The following TBC1D32 variants were observed in gnomAD, a reference collection of about 807,000 sequenced individuals.
The protein encoded by TBC1D32 is TBC1 domain family member 32.
TBC1D32 carries 151 observed loss-of-function variants against 170.3 expected under a neutral mutation model. The observed-to-expected ratio is 0.89, with a 90% CI of 0.78 to 1.01. The LOEUF is 1.01. Ranked by LOEUF, TBC1D32 falls within the 50% of genes least tolerant of loss-of-function variation. The pLI is 0.00. For missense variants in TBC1D32, 1,464 were observed against 1,457.1 expected, an observed-to-expected ratio of 1.00 and a Z score of -0.08; for synonymous variants, 498 against 488.0, an observed-to-expected ratio of 1.02 and a Z score of -0.27.
intron 21 of TBC1D32, among the ~76,000 whole-genome samples, chr6:121,217,954 C>T (rs1583263909): frequency 6.6e-6 from 1 of 152,160 alleles, no homozygotes; most frequent in African/African-American, 2.4e-5. Flanking sequence ...GTACCATACA[C>T]TGAGAAAAAC....
Position 121,205,122 on chromosome 6 carries a change from CT to C in TBC1D32, c.2522del (p.Lys841ArgfsTer16). On this transcript the variant is annotated frameshift_variant, in exon 22 of 32. Coordinates refer to ENST00000398212, the MANE Select transcript of TBC1D32 (RefSeq NM_152730.6). LOFTEE classifies it high-confidence loss of function. ...DRLIILNSEA[K>X]IRSLFNYEQS... Reference sequence around the variant, plus strand: ...GTTCATAGTTGAATAAAGAACGAATCTTAGCTTCAGAATTCAAAATTATAAG... The same window carrying C: ...GTTCATAGTTGAATAAAGAACGAATCTAGCTTCAGAATTCAAAATTATAAG... 6.5e-7 allele frequency: 1 copy of C among 1,534,036 alleles called. No individual in the cohort carries two copies. The highest frequency in any genetic ancestry group is 8.8e-7 in the Non-Finnish European group (1 of 1,131,390).
chr6:121,180,888 A>G (rs940890413), intron 22 of TBC1D32, among the ~76,000 whole-genome samples: 1 of 152,158 alleles, frequency 6.6e-6, no homozygotes, highest in African/African-American at 2.4e-5. Context: ...TCAGTAACAA[A>G]TAATGATAAT....
chr6:121,160,838 T>C, intron 23 of TBC1D32, 110 bp downstream of exon 23: 1 of 780,420 alleles, frequency 1.3e-6, no homozygotes, highest in Non-Finnish European at 2.2e-6. Context: ...TAAGTTCAAC[T>C]CTGTGATGTA....
intron 9 of TBC1D32, among the ~76,000 whole-genome samples, chr6:121,300,170 A>T (rs758948780): frequency 6.6e-6 from 1 of 152,166 alleles, no homozygotes; most frequent in Non-Finnish European, 1.5e-5. Flanking sequence ...TTGGCCGGGC[A>T]CAGTGGCTCA....
At chr6:121,128,381 A>G (rs1479106052) in intron 25 of TBC1D32, among the ~76,000 whole-genome samples, 3 of 152,178 alleles carry the variant, frequency 2.0e-5, no homozygotes, top group Non-Finnish European at 4.4e-5. Context: ...GCTGAACTAC[A>G]TAATTACTAG....
At chr6:121,241,594 C>T (rs913578694) in intron 18 of TBC1D32, 42 bp from the exon 19 acceptor site, 72 of 1,496,920 alleles carry the variant, frequency 4.8e-5, no homozygotes, top group Non-Finnish European at 6.1e-5. Flanking sequence ...AGCAACAAAA[C>T]ATGGCATGCT....
At chr6:121,133,970 A>G (rs1337231583) in intron 24 of TBC1D32, among the ~76,000 whole-genome samples, 1 of 148,078 alleles carries the variant, frequency 6.8e-6, no homozygotes, top group African/African-American at 2.4e-5. Flanking sequence ...TAATAATTTT[A>G]CTGAAAATTA....
intron 21 of TBC1D32, among the ~76,000 whole-genome samples, chr6:121,207,375 A>C (rs560417048): frequency 6.6e-6 from 1 of 152,320 alleles, no homozygotes; most frequent in African/African-American, 2.4e-5. Flanking sequence ...TCTAGTTCTG[A>C]ATCTAAGTAC....
chr6:121,242,135 T>A (rs747735293), intron 18 of TBC1D32, 66 bp downstream of exon 18: 1 of 1,499,046 alleles, frequency 6.7e-7, no homozygotes, highest in East Asian at 2.3e-5. Context: ...GAAAACAGAA[T>A]GATGTTCTTA....
At chr6:121,109,548 T>C (rs936623841) in intron 29 of TBC1D32, among the ~76,000 whole-genome samples, 2 of 152,172 alleles carry the variant, frequency 1.3e-5, no homozygotes, top group Non-Finnish European at 2.9e-5. Flanking sequence ...TTTTAAAATA[T>C]ATCATTTTAT....
At chr6:121,322,760 A>C (rs1206019971) in intron 1 of TBC1D32, among the ~76,000 whole-genome samples, 2 of 152,176 alleles carry the variant, frequency 1.3e-5, no homozygotes, top group Non-Finnish European at 2.9e-5. Context: ...ACACTTTATA[A>C]ATACTTGTTA....
In TBC1D32 at chr6:121,090,838, T is replaced by C. The variant is rs1055659093; in HGVS notation, c.3654+15A>G. 14 of 1,603,468 alleles carry C rather than the reference T, an allele frequency of 8.7e-6. No homozygotes were observed. In the Admixed American group the frequency reaches 1.9e-4, roughly 22 times the overall value. On this transcript the variant is annotated intron_variant, in intron 31 of 31. Transcript: ENST00000398212. ...TATTAACTCAACATTTTCCTCTCCA[T>C]ATAAACATACTTACTTTTAGGAAAA...
At chr6:121,124,915 T>C (rs1324287064) in intron 26 of TBC1D32, among the ~76,000 whole-genome samples, 4 of 152,226 alleles carry the variant, frequency 2.6e-5, no homozygotes, top group Non-Finnish European at 4.4e-5. Context: ...TAAATTTCTC[T>C]GATAAGTTTC....
intron 21 of TBC1D32, among the ~76,000 whole-genome samples, chr6:121,209,982 G>T (rs531388872): frequency 5.6e-4 from 86 of 152,234 alleles, no homozygotes; most frequent in Non-Finnish European, 1.1e-3. Flanking sequence ...CATCATTATC[G>T]TAGAGCTGGA....
At chr6:121,138,842 AT>A (rs951648149) in intron 24 of TBC1D32, among the ~76,000 whole-genome samples, 26 of 149,370 alleles carry the variant, frequency 1.7e-4, no homozygotes, top group Non-Finnish European at 3.0e-4. Flanking sequence ...GTACCATATT[AT>A]TTTTCTTTTT....
intron 20 of TBC1D32, among the ~76,000 whole-genome samples, chr6:121,238,526 T>C (rs996393988): frequency 5.9e-5 from 9 of 152,110 alleles, no homozygotes; most frequent in East Asian, 3.9e-4. Flanking sequence ...TTAGGAATCG[T>C]CACTTTATTT....
intron 24 of TBC1D32, among the ~76,000 whole-genome samples, chr6:121,135,277 T>A (rs1260910942): frequency 6.6e-6 from 1 of 152,110 alleles, no homozygotes; most frequent in Admixed American, 6.6e-5. Context: ...GAATTCCATA[T>A]TTCCCAAAAT....
At chr6:121,286,966 A>C (rs568885897) in intron 12 of TBC1D32, among the ~76,000 whole-genome samples, 1 of 152,332 alleles carries the variant, frequency 6.6e-6, no homozygotes, top group Admixed American at 6.5e-5. Flanking sequence ...AGATTTTGTC[A>C]CCACCAGGCC....
intron 9 of TBC1D32, 148 bp from the exon 10 acceptor site, chr6:121,299,653 T>C (rs1806170106): frequency 1.7e-5 from 13 of 752,402 alleles, no homozygotes; most frequent in Non-Finnish European, 2.6e-5. Flanking sequence ...TGTTTATGTG[T>C]GCATTGTATT....
Sources: gnomAD v4.1 joint callset for allele counts (sites outside exome capture counted in the v4.1 genomes callset) on GRCh38, gnomAD v4.1.1 for gene constraint, MANE v1.5 for transcripts, NCBI Gene and HGNC (gene_info 2026-07-23, HGNC 2026-07-21) for gene names.